The following LRMDA variants were observed in gnomAD, a reference collection of about 807,000 sequenced individuals.
LRMDA encodes the protein leucine-rich melanocyte differentiation-associated protein.
Under a neutral mutation model 29.8 loss-of-function variants are expected in LRMDA, and 18 were observed. That is an observed-to-expected ratio of 0.60 (90% CI 0.42 to 0.90). The LOEUF (loss-of-function observed/expected upper bound fraction) is 0.90. Among genes scored for constraint, LRMDA ranks in the 40% least tolerant of loss-of-function variants. The pLI is 0.00. For synonymous variants in LRMDA, 125 were observed against 109.4 expected (o/e 1.14, Z -0.89); for missense variants, 273 against 273.9 (o/e 1.00, Z 0.02).
At chr10:75,700,182 A>T (rs907486923) in intron 2 of LRMDA, among the ~76,000 whole-genome samples, 2 of 152,164 alleles carry the variant, frequency 1.3e-5, no homozygotes, top group Admixed American at 6.5e-5. Context: ...ACATATACCT[A>T]AGTGACTTTT....
chr10:76,362,151 T>C (rs960425234), intron 6 of LRMDA, among the ~76,000 whole-genome samples: 1 of 152,194 alleles, frequency 6.6e-6, no homozygotes, highest in Non-Finnish European at 1.5e-5. Flanking sequence ...AACACCTTTC[T>C]CTTCCATTTT....
At chr10:75,764,730 G>T (rs949391090) in intron 2 of LRMDA, among the ~76,000 whole-genome samples, 2 of 152,200 alleles carry the variant, frequency 1.3e-5, no homozygotes, top group African/African-American at 4.8e-5. Flanking sequence ...CTAACACCAC[G>T]AAGGAGATAA....
At chr10:75,819,929 TATCTC>T (rs558535643) in intron 2 of LRMDA, among the ~76,000 whole-genome samples, 168 of 152,264 alleles carry the variant, frequency 1.1e-3, no homozygotes, top group Non-Finnish European at 2.2e-3. Context: ...GGATGTAAAA[TATCTC>T]ATCAGTAATC....
intron 2 of LRMDA, among the ~76,000 whole-genome samples, chr10:75,607,285 G>A (rs576555566): frequency 2.6e-5 from 4 of 152,276 alleles, no homozygotes; most frequent in South Asian, 2.1e-4. Flanking sequence ...CTTGACATAC[G>A]ATAGGAAAGT....
Position 76,171,702 on chromosome 10 carries a change from C to CTAA in LRMDA, c.516+112919_516+112920insTAA, listed in dbSNP as rs1589362556. Among the ~76,000 whole-genome samples, 6 of 152,134 alleles carry CTAA rather than the reference C, an allele frequency of 3.9e-5. No individual in the cohort carries two copies. In the East Asian group the frequency reaches 1.2e-3, roughly 29 times the overall value. On this transcript the variant is annotated intron_variant, in intron 5 of 6. Coordinates refer to ENST00000611255, the MANE Select transcript of LRMDA (RefSeq NM_001305581.2). The stretch of plus-strand genomic sequence containing the variant: ...GGTGCTTCTCTTTAGGGCATAGCAC[C>CTAA]AACGTCTTCTTGTGAGTGTATCCTA...
chr10:76,254,353 C>CTATGCTATG, intron 5 of LRMDA, among the ~76,000 whole-genome samples: 1 of 40,354 alleles, frequency 2.5e-5, no homozygotes, highest in South Asian at 8.5e-4. Flanking sequence ...CCTATCCTAT[C>CTATGCTATG]CTATCCTATG....
At chr10:75,579,677 A>C (rs1296342333) in intron 2 of LRMDA, among the ~76,000 whole-genome samples, 1 of 152,186 alleles carries the variant, frequency 6.6e-6, no homozygotes, top group African/African-American at 2.4e-5. Context: ...CCTCAATAAA[A>C]TACTGGGAAA....
chr10:76,321,616 T>C (rs1409996243), intron 5 of LRMDA, among the ~76,000 whole-genome samples: 1 of 152,036 alleles, frequency 6.6e-6, no homozygotes, highest in African/African-American at 2.4e-5. Context: ...AAAAGTAAAA[T>C]GTAAAACTAT....
chr10:75,874,050 C>T (rs1845155693), intron 2 of LRMDA, among the ~76,000 whole-genome samples: 1 of 152,174 alleles, frequency 6.6e-6, no homozygotes, highest in Non-Finnish European at 1.5e-5. Context: ...CCTTCTTCTT[C>T]ATCCCTATAC....
At chr10:75,801,460 G>A (rs190388435) in intron 2 of LRMDA, among the ~76,000 whole-genome samples, 3 of 152,302 alleles carry the variant, frequency 2.0e-5, no homozygotes, top group Admixed American at 2.0e-4. Flanking sequence ...TTCTTTCAAG[G>A]CCATTGGATT....
At chr10:76,224,064 G>T (rs560897213) in intron 5 of LRMDA, among the ~76,000 whole-genome samples, 54 of 152,234 alleles carry the variant, frequency 3.5e-4, no homozygotes, top group African/African-American at 1.2e-3. Flanking sequence ...CTGTGCCTCA[G>T]TAGGGCCCCT....
chr10:75,717,173 G>T (rs1423977148), intron 2 of LRMDA, among the ~76,000 whole-genome samples: 1 of 152,194 alleles, frequency 6.6e-6, no homozygotes, highest in Non-Finnish European at 1.5e-5. Flanking sequence ...GGGGCAGGGG[G>T]TTGGAAGAGG....
At chr10:76,388,032 T>C (rs909533183) in intron 6 of LRMDA, among the ~76,000 whole-genome samples, 1 of 152,230 alleles carries the variant, frequency 6.6e-6, no homozygotes, top group East Asian at 1.9e-4. Context: ...TCATTCATTC[T>C]TTGAACGAAA....
At chr10:76,326,210 A>C (rs1383367693) in intron 6 of LRMDA, among the ~76,000 whole-genome samples, 1 of 152,204 alleles carries the variant, frequency 6.6e-6, no homozygotes, top group Non-Finnish European at 1.5e-5. Flanking sequence ...AAGTTCATTA[A>C]AGCTGGATTA....
chr10:76,246,715 T>G (rs555529832), intron 5 of LRMDA, among the ~76,000 whole-genome samples: 2 of 152,310 alleles, frequency 1.3e-5, no homozygotes, highest in African/African-American at 4.8e-5. Flanking sequence ...CTTTGTCAAC[T>G]GCAATCCCAC....
At chr10:75,813,292 C>T (rs1054154281) in intron 2 of LRMDA, among the ~76,000 whole-genome samples, 1 of 152,180 alleles carries the variant, frequency 6.6e-6, no homozygotes, top group Non-Finnish European at 1.5e-5. Flanking sequence ...AGGAGGTCCA[C>T]TCAGAGTTGC....
chr10:75,770,061 C>T (rs369164237), intron 2 of LRMDA, among the ~76,000 whole-genome samples: 10 of 152,024 alleles, frequency 6.6e-5, no homozygotes, highest in Non-Finnish European at 5.9e-5. Context: ...GCAGGAGGAT[C>T]GCTGAGGAAG....
At chr10:76,439,176 A>G (rs953478347) in intron 6 of LRMDA, among the ~76,000 whole-genome samples, 2 of 152,166 alleles carry the variant, frequency 1.3e-5, no homozygotes, top group Non-Finnish European at 2.9e-5. Context: ...CTCCAGGTCT[A>G]TTATTATCTC....
intron 5 of LRMDA, among the ~76,000 whole-genome samples, chr10:76,151,353 G>T (rs1850438769): frequency 6.6e-6 from 1 of 152,140 alleles, no homozygotes; most frequent in African/African-American, 2.4e-5. Flanking sequence ...TAAAGCAGTT[G>T]CCTAAGCCCA....
Sources: allele counts gnomAD v4.1 joint callset (sites outside exome capture counted in the v4.1 genomes callset), GRCh38; gene constraint gnomAD v4.1.1; transcripts MANE v1.5; gene names NCBI Gene and HGNC (gene_info 2026-07-23, HGNC 2026-07-21).